Variants in TLK1 observed in about 807,000 individuals in gnomAD.
TLK1 encodes the protein serine/threonine-protein kinase tousled-like 1.
TLK1 carries 24 observed loss-of-function variants against 105.3 expected under a neutral mutation model. That is an observed-to-expected ratio of 0.23 (90% confidence interval 0.17 to 0.32). The LOEUF (loss-of-function observed/expected upper bound fraction) is 0.32. Ranked by LOEUF, TLK1 falls within the 10% of genes least tolerant of loss-of-function variation. The pLI, the probability that TLK1 is intolerant of heterozygous loss-of-function variation, is 1.00. For synonymous variants in TLK1, 321 were observed against 310.4 expected, an observed-to-expected ratio of 1.03 and a Z score of -0.36; for missense variants, 558 against 910.5, an observed-to-expected ratio of 0.61 and a Z score of 4.98.
intron 10 of TLK1, among the ~76,000 whole-genome samples, 159 bp from the exon 11 acceptor site, chr2:171,046,521 T>G (rs142084965): frequency 3.6e-4 from 55 of 152,344 alleles, no homozygotes; most frequent in Non-Finnish European, 6.5e-4. Flanking sequence ...CCTTCAGGTC[T>G]CATTTGAAAG....
At chr2:171,202,227 G>T (rs1321562071) in intron 1 of TLK1, among the ~76,000 whole-genome samples, 1 of 152,148 alleles carries the variant, frequency 6.6e-6, no homozygotes, top group Non-Finnish European at 1.5e-5. Flanking sequence ...AGGCCGAGGA[G>T]GGCGGATCAC....
At chr2:171,207,164 T>C (rs185535675) in intron 1 of TLK1, among the ~76,000 whole-genome samples, 20 of 152,314 alleles carry the variant, frequency 1.3e-4, no homozygotes, top group Admixed American at 7.2e-4. Context: ...CTTCAGTAGA[T>C]GAATGGATAA....
At chr2:171,114,319 T>C (rs1013471090) in intron 2 of TLK1, among the ~76,000 whole-genome samples, 6 of 152,338 alleles carry the variant, frequency 3.9e-5, no homozygotes, top group African/African-American at 7.2e-5. Context: ...AAAAAGGACT[T>C]TGCAGAAGTG....
intron 1 of TLK1, among the ~76,000 whole-genome samples, chr2:171,140,152 GAGA>G (rs916299425): frequency 1.8e-4 from 27 of 152,276 alleles, no homozygotes; most frequent in African/African-American, 5.3e-4. Flanking sequence ...AAGAGAGTGA[GAGA>G]AGAAGAGCGT....
At chr2:171,187,317 C>A (rs927131465) in intron 1 of TLK1, among the ~76,000 whole-genome samples, 1 of 152,120 alleles carries the variant, frequency 6.6e-6, no homozygotes, top group Non-Finnish European at 1.5e-5. Context: ...CGCTGGAATA[C>A]GTACACCTGA....
intron 3 of TLK1, among the ~76,000 whole-genome samples, chr2:171,069,646 A>G (rs1054414330): frequency 6.6e-5 from 10 of 152,186 alleles, no homozygotes; most frequent in African/African-American, 2.2e-4. Flanking sequence ...GCTTTGATGA[A>G]CACATTAAGA....
intron 3 of TLK1, among the ~76,000 whole-genome samples, chr2:171,071,029 T>C (rs866806458): frequency 2.6e-5 from 4 of 152,224 alleles, no homozygotes; most frequent in Non-Finnish European, 2.9e-5. Flanking sequence ...AACAATGATA[T>C]TGGGCACCTT....
intron 1 of TLK1, among the ~76,000 whole-genome samples, chr2:171,226,653 T>C (rs1693903853): frequency 6.6e-6 from 1 of 152,136 alleles, no homozygotes; most frequent in Non-Finnish European, 1.5e-5. Context: ...ATTATTACAC[T>C]CTGTGCATAT....
In TLK1 at chr2:171,156,675, G is replaced by C. The variant is rs73017241; in HGVS notation, c.139+3615C>G. Reference sequence around the variant, plus strand: ...ACATAACCCTGTCCTCCTCCAGCTAGTGATTTCAAAAAATTAAAGGCCTAC... The same window carrying C: ...ACATAACCCTGTCCTCCTCCAGCTACTGATTTCAAAAAATTAAAGGCCTAC... On this transcript the variant is annotated intron_variant, in intron 1 of 20. Transcript: ENST00000431350. Among the ~76,000 whole-genome samples, 781 of 152,294 alleles carry C rather than the reference G, an allele frequency of 5.1e-3. 6 individuals carry two copies. Among genetic ancestry groups the C allele is most frequent in the African/African-American group, 0.018 (742 of 41,570 alleles).
intron 12 of TLK1, among the ~76,000 whole-genome samples, chr2:171,024,492 C>T (rs1265821786): frequency 1.3e-5 from 2 of 152,042 alleles, no homozygotes; most frequent in East Asian, 3.8e-4. Context: ...CACGTTCATC[C>T]CGCCACACAC....
At chr2:171,149,720 A>C (rs1691953704) in intron 1 of TLK1, among the ~76,000 whole-genome samples, 1 of 152,156 alleles carries the variant, frequency 6.6e-6, no homozygotes, top group Non-Finnish European at 1.5e-5. Context: ...AGCCTGGGCA[A>C]CATAGGGAGA....
intron 1 of TLK1, among the ~76,000 whole-genome samples, chr2:171,170,151 C>T (rs888651555): frequency 6.6e-6 from 1 of 151,806 alleles, no homozygotes; most frequent in African/African-American, 2.4e-5. Context: ...AATTAAAATC[C>T]AATACTTTAC....
chr2:171,224,182 A>G (rs921874871), intron 1 of TLK1, among the ~76,000 whole-genome samples: 1 of 152,152 alleles, frequency 6.6e-6, no homozygotes, highest in Non-Finnish European at 1.5e-5. Flanking sequence ...CAGTTTTTCT[A>G]GCACCATTTT....
chr2:171,015,700 T>C (rs6433277), intron 12 of TLK1, among the ~76,000 whole-genome samples: 63 of 3,258 alleles, frequency 0.019, no homozygotes, highest in African/African-American at 0.032. Context: ...CACACACACA[T>C]ATACACACAC....
intron 10 of TLK1, among the ~76,000 whole-genome samples, 153 bp from the exon 11 acceptor site, chr2:171,046,515 C>G (rs1237208568): frequency 2.6e-5 from 4 of 152,160 alleles, no homozygotes; most frequent in African/African-American, 9.7e-5. Context: ...ACTTATCCTT[C>G]AGGTCTCATT....
At chr2:171,008,042 G>A (rs908982031) in intron 14 of TLK1, among the ~76,000 whole-genome samples, 1 of 151,978 alleles carries the variant, frequency 6.6e-6, no homozygotes, top group African/African-American at 2.4e-5. Flanking sequence ...AAAAGCTTAC[G>A]TATTTATTAG....
intron 1 of TLK1, among the ~76,000 whole-genome samples, chr2:171,216,348 C>T (rs907892629): frequency 1.6e-4 from 24 of 152,038 alleles, no homozygotes; most frequent in Admixed American, 1.3e-4. Context: ...TGGTGGTGGG[C>T]GCCTGTAGTC....
intron 1 of TLK1, among the ~76,000 whole-genome samples, chr2:171,145,798 T>C (rs551352957): frequency 6.6e-6 from 1 of 152,282 alleles, no homozygotes; most frequent in African/African-American, 2.4e-5. Flanking sequence ...ACAAATAATA[T>C]GTGGGGCAAA....
intron 12 of TLK1, among the ~76,000 whole-genome samples, chr2:171,021,281 A>C (rs1207650799): frequency 6.6e-6 from 1 of 152,188 alleles, no homozygotes; most frequent in Non-Finnish European, 1.5e-5. Flanking sequence ...CTTGTCTTAA[A>C]AATATTTACA....
Sources: gnomAD v4.1 joint callset for allele counts (sites outside exome capture counted in the v4.1 genomes callset) on GRCh38, gnomAD v4.1.1 for gene constraint, MANE v1.5 for transcripts, NCBI Gene and HGNC (gene_info 2026-07-23, HGNC 2026-07-21) for gene names.